The following MED13L variants were observed in gnomAD, a reference collection of about 807,000 sequenced individuals.
MED13L encodes mediator complex subunit 13L, also known as mediator of RNA polymerase II transcription subunit 13-like.
In MED13L, 7 loss-of-function variants were observed where a neutral mutation model predicts 220.9. The ratio of observed to expected loss-of-function variants is 0.03; its 90% confidence interval spans 0.02 to 0.06. MED13L has a LOEUF of 0.06. MED13L is among the 10% of genes least tolerant of loss of function. The probability of loss-of-function intolerance (pLI) is 1.00; values close to 1 mark genes in which losing one functional copy is unlikely to be tolerated. For missense variants in MED13L, 1,965 were observed against 2,760.5 expected, an observed-to-expected ratio of 0.71 and a Z score of 6.46; for synonymous variants, 1,011 against 1,015.2, an observed-to-expected ratio of 1.00 and a Z score of 0.08.
At chr12:115,963,227 C>A (rs1875893739) in intron 30 of MED13L, among the ~76,000 whole-genome samples, 180 bp downstream of exon 30, 1 of 152,194 alleles carries the variant, frequency 6.6e-6, no homozygotes, top group South Asian at 2.1e-4. Flanking sequence ...CAATGTATTA[C>A]ACCGCCTGTC....
At chr12:116,070,741 T>A (rs998223460) in intron 4 of MED13L, among the ~76,000 whole-genome samples, 3 of 152,188 alleles carry the variant, frequency 2.0e-5, no homozygotes, top group African/African-American at 7.2e-5. Context: ...ACATCTACAT[T>A]ACATTTACAT....
At position 116,105,505 on chromosome 12, in the gene MED13L, A is replaced by C. The variant is rs187092431; in HGVS notation, c.395+5923T>G. 9.2e-5 allele frequency among the ~76,000 whole-genome samples: 14 copies of C among 152,372 alleles called. No individual in the cohort carries two copies. In the East Asian group the frequency reaches 2.7e-3, roughly 29 times the overall value. ...AAATAAGTGTAATTGCATGATCTAA[A>C]ACTATAAAATTCAGAATGTATACTC... On this transcript the variant is annotated intron_variant, in intron 3 of 30. Coordinates refer to ENST00000281928, the MANE Select transcript of MED13L (RefSeq NM_015335.5).
chr12:116,206,074 CTTTTTTTT>C (rs1160337465), intron 2 of MED13L, among the ~76,000 whole-genome samples: 46 of 87,192 alleles, frequency 5.3e-4, no homozygotes, highest in African/African-American at 2.0e-3. Context: ...GTATTATTAC[CTTTTTTTT>C]TTTTTTTTTT....
At chr12:116,105,217 G>GTGTAACC (rs879329338) in intron 3 of MED13L, among the ~76,000 whole-genome samples, 12 of 152,074 alleles carry the variant, frequency 7.9e-5, no homozygotes, top group Non-Finnish European at 1.8e-4. Context: ...AAAACACAAA[G>GTGTAACC]TGTAACCTTT....
intron 2 of MED13L, among the ~76,000 whole-genome samples, chr12:116,207,763 G>GT (rs1882441708): frequency 6.6e-6 from 1 of 151,158 alleles, no homozygotes; most frequent in African/African-American, 2.4e-5. Flanking sequence ...GAATTACTAT[G>GT]TAATTTATGT....
Position 115,966,108 on chromosome 12 carries a change from G to T in MED13L, c.6361C>A (p.Gln2121Lys). ...QWFWSSCPQA[Q>K]NQCPLFLKAS... ...TTTAAGAAGAGAGGGCACTGGTTTT[G>T]AGCCTGGGGACACGATGACCAAAAC... The change falls in exon 29 of 31, where the codon CAA (glutamine) becomes AAA (lysine). Residue 2121 changes from glutamine to lysine, a missense_variant. Physicochemically the swap from Gln to Lys is moderately conservative, Grantham distance 53. Coordinates refer to ENST00000281928, the MANE Select transcript of MED13L (RefSeq NM_015335.5). 1 of 1,614,154 alleles carries T rather than the reference G, an allele frequency of 6.2e-7. No individual in the cohort carries two copies. The highest frequency in any genetic ancestry group is 1.7e-4 in the Middle Eastern group (1 of 6,056).
chr12:115,967,269 A>C (rs543859447), intron 28 of MED13L, among the ~76,000 whole-genome samples: 7 of 152,114 alleles, frequency 4.6e-5, no homozygotes, highest in Non-Finnish European at 1.0e-4. Flanking sequence ...TGGTTAAAAA[A>C]ATAAAAAATT....
intron 4 of MED13L, among the ~76,000 whole-genome samples, chr12:116,070,477 A>C (rs548052510): frequency 3.3e-5 from 5 of 152,334 alleles, no homozygotes; most frequent in Admixed American, 6.5e-5. Context: ...AGATGAACTA[A>C]AACAGAGAGG....
chr12:116,254,827 G>C (rs1461509008), intron 1 of MED13L, among the ~76,000 whole-genome samples: 1 of 152,002 alleles, frequency 6.6e-6, no homozygotes, highest in African/African-American at 2.4e-5. Flanking sequence ...ACTTACTTAG[G>C]AATATATCTG....
At chr12:116,119,290 T>TA (rs1874796232) in intron 2 of MED13L, among the ~76,000 whole-genome samples, 2 of 152,294 alleles carry the variant, frequency 1.3e-5, no homozygotes, top group South Asian at 4.2e-4. Context: ...CCGATGGAGA[T>TA]ATCTTTCTGA....
chr12:115,972,298 G>T, intron 25 of MED13L, 62 bp from the exon 26 acceptor site: 1 of 1,591,544 alleles, frequency 6.3e-7, no homozygotes, highest in Admixed American at 1.7e-5. Context: ...GGAGATTTGA[G>T]CTTTTTAGCA....
At chr12:116,176,117 C>T (rs968218044) in intron 2 of MED13L, among the ~76,000 whole-genome samples, 3 of 152,100 alleles carry the variant, frequency 2.0e-5, no homozygotes, top group African/African-American at 7.2e-5. Context: ...TAAGGACTCA[C>T]TACCTGTGTA....
intron 2 of MED13L, among the ~76,000 whole-genome samples, chr12:116,201,089 G>C (rs1881980242): frequency 6.6e-6 from 1 of 152,006 alleles, no homozygotes; most frequent in African/African-American, 2.4e-5. Flanking sequence ...CAAAGACTAG[G>C]ATCAACTGAA....
At chr12:116,222,663 C>A (rs1868553277) in intron 2 of MED13L, among the ~76,000 whole-genome samples, 2 of 152,242 alleles carry the variant, frequency 1.3e-5, no homozygotes, top group Non-Finnish European at 2.9e-5. Context: ...TCAAGCAACT[C>A]CAGGTATGTG....
intron 2 of MED13L, among the ~76,000 whole-genome samples, chr12:116,236,280 G>A (rs1476859898): frequency 1.3e-5 from 2 of 152,096 alleles, no homozygotes; most frequent in Non-Finnish European, 2.9e-5. Flanking sequence ...CAGGATAAAG[G>A]TTTGAGCTGA....
intron 2 of MED13L, among the ~76,000 whole-genome samples, chr12:116,136,774 T>C (rs771677887): frequency 1.3e-5 from 2 of 152,204 alleles, no homozygotes; most frequent in Non-Finnish European, 1.5e-5. Context: ...TATAATCATA[T>C]AGTAGCTAGA....
Position 116,003,171 on chromosome 12 carries a change from T to C in MED13L, c.2470-69A>G. The C allele has an allele frequency of 3.0e-6, 4 of 1,353,942 alleles. No homozygotes were observed. The Admixed American group carries it at 5.1e-5, about 17-fold the overall frequency. 83.9% of individuals were successfully genotyped at this position (1,353,942 alleles called of 1,614,324 possible). On this transcript the variant is annotated intron_variant, in intron 13 of 30. Coordinates refer to ENST00000281928, the MANE Select transcript of MED13L (RefSeq NM_015335.5). ...AGTAGGGCAGCATTCAAATATTTCC[T>C]AATGTATGCCTATTGGTAGATGCCT... is the stretch of plus-strand genomic sequence containing the variant.
At chr12:116,130,974 A>T (rs182524508) in intron 2 of MED13L, among the ~76,000 whole-genome samples, 11 of 152,350 alleles carry the variant, frequency 7.2e-5, no homozygotes, top group Middle Eastern at 3.4e-3. Context: ...AAAAGCTTTG[A>T]ACAATGTATG....
intron 5 of MED13L, 99 bp downstream of exon 5, chr12:116,022,357 C>T: frequency 7.3e-7 from 1 of 1,377,008 alleles, no homozygotes; most frequent in Non-Finnish European, 1.0e-6. Flanking sequence ...TTTAAAATGT[C>T]CATTTAAGAT....
Sources: allele counts gnomAD v4.1 joint callset (sites outside exome capture counted in the v4.1 genomes callset), GRCh38; gene constraint gnomAD v4.1.1; transcripts MANE v1.5; gene names NCBI Gene and HGNC (gene_info 2026-07-23, HGNC 2026-07-21).